CFAP144: variants seen among roughly 807,000 people sequenced by gnomAD.
The protein encoded by CFAP144 is cilia and flagella associated protein 144, also known as cilia- and flagella-associated protein 144.
the CFAP144 span, among the ~76,000 whole-genome samples, chr1:43,144,223 C>A: frequency 6.6e-6 from 1 of 152,312 alleles, no homozygotes; most frequent in Non-Finnish European, 1.5e-5. Context: ...AGCCCCATTT[C>A]TTCTCTTTGC....
At chr1:43,153,129 C>T in the CFAP144 span, 12 of 601,000 alleles carry the variant, frequency 2.0e-5, no homozygotes, top group Non-Finnish European at 2.8e-5. Context: ...ATCTCATAAG[C>T]TTGTTATGAG....
chr1:43,152,393 G>C, the CFAP144 span, among the ~76,000 whole-genome samples: 2 of 152,106 alleles, frequency 1.3e-5, no homozygotes, highest in African/African-American at 4.8e-5. Context: ...CCCAGGGCTG[G>C]CTCCTGCTTG....
the CFAP144 span, among the ~76,000 whole-genome samples, chr1:43,154,645 A>C: frequency 2.0e-5 from 3 of 152,112 alleles, no homozygotes. Flanking sequence ...TAAAAACCAG[A>C]AGGAATGGTA....
chr1:43,148,104 G>A, the CFAP144 span: 13 of 1,611,046 alleles, frequency 8.1e-6, no homozygotes, highest in Non-Finnish European at 9.3e-6. Context: ...ACGGCGGGGT[G>A]GGGGAAGGGC....
the CFAP144 span, among the ~76,000 whole-genome samples, chr1:43,152,179 C>T: frequency 2.6e-5 from 4 of 152,204 alleles, no homozygotes; most frequent in African/African-American, 9.7e-5. Context: ...GCCTGCGTCT[C>T]TCCGGTGGAG....
chr1:43,144,311 G>A, the CFAP144 span, among the ~76,000 whole-genome samples: 15 of 152,188 alleles, frequency 9.9e-5, no homozygotes, highest in African/African-American at 3.1e-4. Flanking sequence ...TAGACCAAAA[G>A]GGATGTGTAT....
the CFAP144 span, among the ~76,000 whole-genome samples, chr1:43,150,197 G>A: frequency 6.6e-6 from 1 of 152,238 alleles, no homozygotes; most frequent in East Asian, 1.9e-4. Context: ...CACAAATAGA[G>A]TAAAAGCTCA....
At chr1:43,147,839 C>G in the CFAP144 span, 10 of 1,541,388 alleles carry the variant, frequency 6.5e-6, no homozygotes, top group South Asian at 1.2e-5. Context: ...GGCAGCACTA[C>G]CCGAGCGCTG....
the CFAP144 span, among the ~76,000 whole-genome samples, chr1:43,154,515 C>T: frequency 9.0e-5 from 13 of 143,948 alleles, no homozygotes; most frequent in African/African-American, 3.3e-4. Context: ...AAGATAACTA[C>T]TCAAAGAGAA....
chr1:43,152,964 G>A, the CFAP144 span: 1 of 1,590,460 alleles, frequency 6.3e-7, no homozygotes, highest in African/African-American at 1.3e-5. Flanking sequence ...GAAATACGAG[G>A]AAACACAGCA....
chr1:43,154,084 A>ATATG, the CFAP144 span, among the ~76,000 whole-genome samples: 3 of 132,178 alleles, frequency 2.3e-5, no homozygotes, highest in Non-Finnish European at 4.7e-5. Context: ...ATATATATAT[A>ATATG]TATATATATA....
the CFAP144 span, chr1:43,156,265 T>C: frequency 1.2e-6 from 2 of 1,612,656 alleles, no homozygotes; most frequent in Admixed American, 3.3e-5. Flanking sequence ...GTGACATCAC[T>C]CTGTACAAGG....
chr1:43,152,042 C>T, the CFAP144 span, among the ~76,000 whole-genome samples: 1 of 152,142 alleles, frequency 6.6e-6, no homozygotes, highest in African/African-American at 2.4e-5. Context: ...ATTTCATTCC[C>T]AGCCATCTTG....
At chr1:43,151,451 G>A in the CFAP144 span, among the ~76,000 whole-genome samples, 1 of 152,216 alleles carries the variant, frequency 6.6e-6, no homozygotes, top group South Asian at 2.1e-4. Context: ...ACTGATGTGA[G>A]AACAGCATAG....
chr1:43,144,900 G>A, the CFAP144 span, among the ~76,000 whole-genome samples: 1 of 152,146 alleles, frequency 6.6e-6, no homozygotes, highest in Non-Finnish European at 1.5e-5. Flanking sequence ...CTCATGCTGG[G>A]ACAGTTCTGG....
chr1:43,146,580 C>A, the CFAP144 span, among the ~76,000 whole-genome samples: 1 of 152,214 alleles, frequency 6.6e-6, no homozygotes. Flanking sequence ...GCAAGCCACA[C>A]AGAGGGAAAA....
At chr1:43,148,115 G>A in the CFAP144 span, 1 of 1,605,888 alleles carries the variant, frequency 6.2e-7, no homozygotes, top group Non-Finnish European at 8.5e-7. Flanking sequence ...GGGGAAGGGC[G>A]AGAGCGGGAG....
the CFAP144 span, chr1:43,148,096 G>C: frequency 6.2e-7 from 1 of 1,610,540 alleles, no homozygotes; most frequent in African/African-American, 1.3e-5. Context: ...TGAGAGGCAC[G>C]GCGGGGTGGG....
the CFAP144 span, among the ~76,000 whole-genome samples, chr1:43,146,072 G>A: frequency 6.6e-6 from 1 of 152,162 alleles, no homozygotes; most frequent in Non-Finnish European, 1.5e-5. Context: ...CACTGCACTC[G>A]AAAACCAATT....
Sources: gnomAD v4.1 joint callset for allele counts (sites outside exome capture counted in the v4.1 genomes callset) on GRCh38, gnomAD v4.1.1 for gene constraint, MANE v1.5 for transcripts, NCBI Gene and HGNC (gene_info 2026-07-23, HGNC 2026-07-21) for gene names.